CAPS2: variants seen among roughly 807,000 people sequenced by gnomAD.
CAPS2 encodes the protein calcyphosine 2, also known as calcyphosin-2.
Under a neutral mutation model 86.5 loss-of-function variants are expected in CAPS2, and 98 were observed. That is an observed-to-expected ratio of 1.13 (90% confidence interval 0.96 to 1.34). The LOEUF (loss-of-function observed/expected upper bound fraction) is 1.34. Among genes scored for constraint, CAPS2 ranks in the 40% most tolerant of loss-of-function variants. The pLI, the probability that CAPS2 is intolerant of heterozygous loss-of-function variation, is 0.00. For synonymous variants in CAPS2, 210 were observed against 225.1 expected (o/e 0.93, Z 0.60); for missense variants, 729 against 686.8 (o/e 1.06, Z -0.69).
At chr12:75,279,854 T>C (rs1041885044) in intron 16 of CAPS2, among the ~76,000 whole-genome samples, 3 of 152,042 alleles carry the variant, frequency 2.0e-5, no homozygotes, top group Non-Finnish European at 2.9e-5. Flanking sequence ...TATGAAAACA[T>C]AGATTTTGGT....
chr12:75,326,522 A>C, upstream of CAPS2: 1 of 1,454,856 alleles, frequency 6.9e-7, no homozygotes, highest in Non-Finnish European at 9.4e-7. Context: ...TTTATCATGC[A>C]GTATACTTTG....
chr12:75,367,938 C>T (rs1489443420), intron 1 of CAPS2, among the ~76,000 whole-genome samples: 1 of 152,064 alleles, frequency 6.6e-6, no homozygotes, highest in African/African-American at 2.4e-5. Flanking sequence ...TTTCATTGGT[C>T]CTCATAGCCA....
At chr12:75,278,358 T>C in exon 17 of CAPS2, 1 of 984,314 alleles carries the variant, frequency 1.0e-6, no homozygotes, top group South Asian at 4.7e-5. Flanking sequence ...ATCACACTGC[T>C]TGAAAAATTT....
intron 8 of CAPS2, among the ~76,000 whole-genome samples, chr12:75,304,472 C>T (rs891836291): frequency 2.6e-5 from 4 of 152,096 alleles, no homozygotes; most frequent in East Asian, 1.9e-4. Flanking sequence ...TAAAATTTCT[C>T]GGTAACTATA....
exon 17 of CAPS2, chr12:75,277,663 A>G (rs1450613144): frequency 2.0e-6 from 2 of 983,794 alleles, no homozygotes; most frequent in Non-Finnish European, 2.4e-6. Context: ...GTTCACATGT[A>G]TCACACTTCT....
At chr12:75,294,475 G>A (rs1320530929) in intron 11 of CAPS2, among the ~76,000 whole-genome samples, 1 of 152,190 alleles carries the variant, frequency 6.6e-6, no homozygotes, top group Non-Finnish European at 1.5e-5. Context: ...CACTCTTTGA[G>A]TGTAAACAGC....
intron 12 of CAPS2, 138 bp from the exon 13 acceptor site, chr12:75,291,958 G>A: frequency 2.7e-6 from 1 of 374,644 alleles, no homozygotes; most frequent in Non-Finnish European, 4.8e-6. Context: ...ATTTAATCAA[G>A]TCCCAACTCT....
intron 2 of CAPS2, among the ~76,000 whole-genome samples, chr12:75,323,435 A>T (rs2040485470): frequency 6.6e-6 from 1 of 151,936 alleles, no homozygotes; most frequent in African/African-American, 2.4e-5. Flanking sequence ...ATTTATAATT[A>T]AATTAAATTA....
rs539615904 is a variant in CAPS2, at chr12:75,288,371, C to T, written c.1395+1250G>A. On this transcript the variant is annotated intron_variant, in intron 14 of 16. Coordinates refer to ENST00000393284, the Ensembl canonical transcript of CAPS2. ...CCATGTAATTTTCTTATTTGAGCTT[C>T]CAAGCAACTCTAACTATAGCAATTA... Among the ~76,000 whole-genome samples the T allele has an allele frequency of 2.3e-3, 354 of 151,290 alleles. 1 individual carries two copies. Among genetic ancestry groups the T allele is most frequent in the Non-Finnish European group, 3.3e-3 (222 of 68,004 alleles).
chr12:75,336,945 C>G (rs1362576782), intron 1 of CAPS2, among the ~76,000 whole-genome samples: 1 of 151,392 alleles, frequency 6.6e-6, no homozygotes, highest in Non-Finnish European at 1.5e-5. Flanking sequence ...AGTCTTAAAC[C>G]AGAAATAAAG....
At chr12:75,324,648 G>T (rs2040600755) in intron 2 of CAPS2, among the ~76,000 whole-genome samples, 1 of 151,980 alleles carries the variant, frequency 6.6e-6, no homozygotes, top group Non-Finnish European at 1.5e-5. Flanking sequence ...CTTCAGAAAT[G>T]TCAATATTGT....
At chr12:75,342,854 G>A (rs185407674) in intron 1 of CAPS2, among the ~76,000 whole-genome samples, 17 of 151,958 alleles carry the variant, frequency 1.1e-4, no homozygotes, top group South Asian at 2.1e-4. Flanking sequence ...TTTCAGTTAC[G>A]TTTTTGCAGT....
chr12:75,337,322 AT>A (rs2041804279), intron 1 of CAPS2, among the ~76,000 whole-genome samples: 2 of 151,846 alleles, frequency 1.3e-5, no homozygotes, highest in Non-Finnish European at 3.0e-5. Context: ...GTTTAAAACT[AT>A]ATATTAATAA....
intron 1 of CAPS2, among the ~76,000 whole-genome samples, chr12:75,382,673 T>C (rs1019258819): frequency 1.3e-5 from 2 of 151,828 alleles, no homozygotes; most frequent in Non-Finnish European, 2.9e-5. Context: ...TAAAAAATAA[T>C]TTCAAGTGCA....
intron 1 of CAPS2, among the ~76,000 whole-genome samples, chr12:75,379,362 T>A (rs983104689): frequency 3.3e-5 from 5 of 152,196 alleles, no homozygotes; most frequent in Non-Finnish European, 1.5e-5. Context: ...CTCCATCTTA[T>A]TAGTGGGCTT....
chr12:75,316,678 C>T (rs759769989), intron 5 of CAPS2, among the ~76,000 whole-genome samples: 1 of 151,872 alleles, frequency 6.6e-6, no homozygotes, highest in Non-Finnish European at 1.5e-5. Context: ...AACTACTTCC[C>T]CAGAAACAAA....
chr12:75,372,392 G>A (rs1350443864), intron 1 of CAPS2, among the ~76,000 whole-genome samples: 1 of 152,176 alleles, frequency 6.6e-6, no homozygotes, highest in Non-Finnish European at 1.5e-5. Context: ...AGAGGTAGGA[G>A]GAGCCCAGAG....
chr12:75,357,228 T>C (rs1317900891), intron 1 of CAPS2, among the ~76,000 whole-genome samples: 2 of 152,080 alleles, frequency 1.3e-5, no homozygotes, highest in Non-Finnish European at 2.9e-5. Flanking sequence ...TACATTAGTA[T>C]CAGAAAATGT....
At chr12:75,295,362 A>G (rs778421936) in intron 11 of CAPS2, among the ~76,000 whole-genome samples, 13 of 152,190 alleles carry the variant, frequency 8.5e-5, no homozygotes, top group Admixed American at 5.2e-4. Context: ...AAGATGCTGC[A>G]CCACCATAAC....
Sources: gnomAD v4.1 joint callset for allele counts (sites outside exome capture counted in the v4.1 genomes callset) on GRCh38, gnomAD v4.1.1 for gene constraint, MANE v1.5 for transcripts, NCBI Gene and HGNC (gene_info 2026-07-23, HGNC 2026-07-21) for gene names.